Variants in PPP2R1A observed in about 807,000 individuals in gnomAD.
PPP2R1A encodes serine/threonine-protein phosphatase 2A 65 kDa regulatory subunit A alpha isoform.
In PPP2R1A, 15 loss-of-function variants were observed where a neutral mutation model predicts 67.1. That is an observed-to-expected ratio of 0.22 (90% CI 0.15 to 0.34). PPP2R1A has a LOEUF of 0.34. PPP2R1A is among the 10% of genes least tolerant of loss of function. The pLI is 1.00. For synonymous variants in PPP2R1A, 337 were observed against 325.0 expected (o/e 1.04, Z -0.40); for missense variants, 369 against 775.0 (o/e 0.48, Z 6.22).
rs13344210 is a variant in PPP2R1A, at chr19:52,201,178, T to A, written c.79-766T>A. The stretch of plus-strand genomic sequence containing the variant: ...TTATCTGGACACACTTAACTACGCC[T>A]GCAAAGACTGTTTTGACGTGCACGT... On this transcript the variant is annotated intron_variant, in intron 1 of 14. Coordinates refer to ENST00000322088, the MANE Select transcript of PPP2R1A (RefSeq NM_014225.6). The A allele has an allele frequency of 9.3e-3, 1,400 of 150,884 alleles. 42 individuals are homozygous for A. Among genetic ancestry groups the A allele is most frequent in the African/African-American group, 0.033 (1,343 of 40,148 alleles). The allele number at this position is 150,884 out of a possible 1,614,324, so 9.3% of individuals were successfully genotyped here. A position where few individuals can be genotyped will look rare whatever the true frequency, so the allele number is the denominator to read the frequency against.
At chr19:52,195,052 G>A (rs1000370471) in intron 1 of PPP2R1A, among the ~76,000 whole-genome samples, 1 of 152,150 alleles carries the variant, frequency 6.6e-6, no homozygotes, top group African/African-American at 2.4e-5. Flanking sequence ...CCAGAGTAAG[G>A]CCTTAGCTTT....
At chr19:52,203,273 GAGTA>G (rs1156998736) in intron 2 of PPP2R1A, among the ~76,000 whole-genome samples, 2 of 152,186 alleles carry the variant, frequency 1.3e-5, no homozygotes, top group African/African-American at 2.4e-5. Flanking sequence ...GGTGCATGAA[GAGTA>G]GGTGTCTGCT....
intron 12 of PPP2R1A, among the ~76,000 whole-genome samples, chr19:52,221,806 A>AT (rs1261490312): frequency 6.6e-6 from 1 of 152,068 alleles, no homozygotes; most frequent in Non-Finnish European, 1.5e-5. Flanking sequence ...TGTTCTGATC[A>AT]TTTCTTCCCA....
intron 1 of PPP2R1A, among the ~76,000 whole-genome samples, chr19:52,193,239 A>T (rs2089470312): frequency 6.6e-6 from 1 of 152,252 alleles, no homozygotes; most frequent in Non-Finnish European, 1.5e-5. Flanking sequence ...CTAAGGGTGG[A>T]ATAGAATCTG....
intron 2 of PPP2R1A, among the ~76,000 whole-genome samples, chr19:52,203,879 A>T (rs1443648447): frequency 6.6e-6 from 1 of 152,110 alleles, no homozygotes; most frequent in Non-Finnish European, 1.5e-5. Flanking sequence ...GGAAACACTT[A>T]TGTTTACTGG....
chr19:52,219,695 C>G lies in PPP2R1A; in HGVS notation c.1133C>G (p.Pro378Arg). 6.2e-7 allele frequency: 1 copy of G among 1,611,732 alleles called. No individual in the cohort carries two copies. The highest frequency in any genetic ancestry group is 8.5e-7 in the Non-Finnish European group (1 of 1,178,308). The change falls in exon 10 of 15, where the codon CCT becomes CGT. Residue 378 changes from proline (P) to arginine (R), a missense_variant. Pro to Arg is a moderately radical substitution (Grantham distance 103). Coordinates refer to ENST00000322088, the MANE Select transcript of PPP2R1A (RefSeq NM_014225.6). The surrounding 1 kb of genome is among the most constrained non-coding windows in gnomAD (Gnocchi z 4.0). ...LFLAQLKDEC[P>R]EVRLNIISNL... ...ATCCTTCTTTCCTCTCCTCAGTGCC[C>G]TGAGGTACGGCTGAACATCATCTCT...
At chr19:52,199,569 C>T (rs2089527665) in intron 1 of PPP2R1A, among the ~76,000 whole-genome samples, 1 of 152,234 alleles carries the variant, frequency 6.6e-6, no homozygotes, top group South Asian at 2.1e-4. Flanking sequence ...ATTCAGCCCA[C>T]TGTCTGCTTT....
intron 2 of PPP2R1A, among the ~76,000 whole-genome samples, chr19:52,203,858 A>G (rs1318379803): frequency 6.6e-6 from 1 of 152,204 alleles, no homozygotes; most frequent in Non-Finnish European, 1.5e-5. Context: ...GATTAGGCTC[A>G]TAGAACTCAG....
intron 2 of PPP2R1A, among the ~76,000 whole-genome samples, chr19:52,204,442 G>A (rs1248196484): frequency 6.6e-6 from 1 of 152,200 alleles, no homozygotes; most frequent in Admixed American, 6.5e-5. Context: ...GATGATCAGA[G>A]TGACCTTAGT....
chr19:52,221,973 A>G, intron 12 of PPP2R1A, 126 bp from the exon 13 acceptor site: 1 of 916,782 alleles, frequency 1.1e-6, no homozygotes, highest in Non-Finnish European at 1.6e-6. Flanking sequence ...CCACTAACTG[A>G]GTCACCCGTA....
chr19:52,222,291 C>T (rs1199134194), intron 13 of PPP2R1A, 50 bp downstream of exon 13: 2 of 1,580,188 alleles, frequency 1.3e-6, no homozygotes, highest in Admixed American at 1.8e-5. Flanking sequence ...CTTGTGGGCA[C>T]CTTAATCTTT....
intron 3 of PPP2R1A, among the ~76,000 whole-genome samples, chr19:52,208,799 A>G (rs1600165405): frequency 1.3e-5 from 2 of 152,326 alleles, no homozygotes; most frequent in East Asian, 3.9e-4. Flanking sequence ...GCATCCGGCC[A>G]GCAGTTCCTA....
At chr19:52,209,704 C>T (rs2089645810) in intron 3 of PPP2R1A, among the ~76,000 whole-genome samples, 1 of 152,074 alleles carries the variant, frequency 6.6e-6, no homozygotes, top group Admixed American at 6.5e-5. Context: ...CTGGCAGCCA[C>T]CGTAGGAGTT....
chr19:52,192,798 A>G (rs149399225), intron 1 of PPP2R1A, among the ~76,000 whole-genome samples: 140 of 152,272 alleles, frequency 9.2e-4, no homozygotes, highest in African/African-American at 3.1e-3. Context: ...ATGAAGACAC[A>G]TGCAGGGTGA....
rs2089664610 is a variant in PPP2R1A, at chr19:52,211,082, GT to G, written c.271-173del. 6.6e-6 allele frequency among the ~76,000 whole-genome samples: 1 copy of G among 152,190 alleles called. No individual in the cohort carries two copies. Among genetic ancestry groups the G allele is most frequent in the Non-Finnish European group, 1.5e-5 (1 of 68,028 alleles). Reference sequence around the variant, plus strand: ...CTTCTGCTGGCTGGCATAATATTACGTTTTTCCTTTGAGTCATTCATTGCAA... The same window carrying G: ...CTTCTGCTGGCTGGCATAATATTACGTTTTCCTTTGAGTCATTCATTGCAA... On this transcript the variant is annotated intron_variant, in intron 3 of 14. Transcript: ENST00000322088. This position sits in a 1 kb window ranked among gnomAD's most constrained non-coding sequence, Gnocchi z 5.3.
chr19:52,192,574 A>T lies in PPP2R1A; in HGVS notation c.78+2400A>T, dbSNP rs1217919771. On this transcript the variant is annotated intron_variant, in intron 1 of 14. Coordinates refer to ENST00000322088, the MANE Select transcript of PPP2R1A (RefSeq NM_014225.6). Reference sequence around the variant, plus strand: ...GGTGATCCTCCTGCCTCGGCCTCCGAAAGTGCTGGAATTACAGGCGTGAGC... The same window carrying T: ...GGTGATCCTCCTGCCTCGGCCTCCGTAAGTGCTGGAATTACAGGCGTGAGC... 2.0e-5 allele frequency among the ~76,000 whole-genome samples: 3 copies of T among 151,992 alleles called. No homozygotes were observed. In the East Asian group the frequency reaches 5.8e-4, roughly 29 times the overall value.
chr19:52,213,459 T>TG lies in PPP2R1A; in HGVS notation c.807+349_807+350insG, dbSNP rs1468032412. On this transcript the variant is annotated intron_variant, in intron 6 of 14. Coordinates refer to ENST00000322088, the MANE Select transcript of PPP2R1A (RefSeq NM_014225.6). This position sits in a 1 kb window ranked among gnomAD's most constrained non-coding sequence, Gnocchi z 4.2. The stretch of plus-strand genomic sequence containing the variant: ...CCAAAAAGGTGGGGTTTTTTGGTGT[T>TG]TTTTTTTTTTTTTTTTTTTTTTTTT... 4.8e-5 allele frequency among the ~76,000 whole-genome samples: 3 copies of TG among 61,960 alleles called. No homozygotes were observed. Among genetic ancestry groups the TG allele is most frequent in the Non-Finnish European group, 1.0e-4 (3 of 29,568 alleles). 40.6% of individuals were successfully genotyped at this position (61,960 alleles called of 152,430 possible).
intron 14 of PPP2R1A, 51 bp downstream of exon 14, chr19:52,225,859 A>C (rs750095933): frequency 6.2e-7 from 1 of 1,611,942 alleles, no homozygotes; most frequent in African/African-American, 1.3e-5. Context: ...CTTTGAGGAC[A>C]GGCACTGGGC....
In PPP2R1A at chr19:52,212,983, C is replaced by A. The variant is rs945817997; in HGVS notation, c.680C>A (p.Ala227Glu). 6.2e-7 allele frequency: 1 copy of A among 1,607,198 alleles called. No homozygotes were observed. Among genetic ancestry groups the A allele is most frequent in the South Asian group, 1.1e-5 (1 of 90,034 alleles). Residue 227 changes from alanine (A) to glutamate (E), a missense_variant, in exon 6 of 15, where the codon GCG becomes GAG. Transcript: ENST00000322088. The surrounding 1 kb of genome is among the most constrained non-coding windows in gnomAD (Gnocchi z 4.1). Reference sequence around the variant, plus strand: ...TCGGTGCGGCTGCTGGCGGTGGAGGCGTGCGTGAACATCGCCCAGCTTCTG... The same window carrying A: ...TCGGTGCGGCTGCTGGCGGTGGAGGAGTGCGTGAACATCGCCCAGCTTCTG... ...QDSVRLLAVE[A>E]CVNIAQLLPQ...
Sources: gnomAD v4.1 joint callset for allele counts (sites outside exome capture counted in the v4.1 genomes callset) on GRCh38, gnomAD v4.1.1 for gene constraint, Gnocchi (gnomAD v3.1) non-coding constraint, MANE v1.5 for transcripts, NCBI Gene and HGNC (gene_info 2026-07-23, HGNC 2026-07-21) for gene names.